The following RTN4 variants were observed in gnomAD, a reference collection of about 807,000 sequenced individuals.
RTN4 encodes the protein reticulon 4.
A neutral mutation model predicts 90.4 loss-of-function variants in RTN4; 32 were observed. That is an observed-to-expected ratio of 0.35 (90% CI 0.27 to 0.48). The LOEUF (loss-of-function observed/expected upper bound fraction) is 0.48, where lower values mean the gene tolerates loss of function less well. RTN4 is among the 20% of genes least tolerant of loss of function. The pLI, the probability that RTN4 is intolerant of heterozygous loss-of-function variation, is 0.99. For missense variants in RTN4, 1,706 were observed against 1,430.2 expected (o/e 1.19, Z -3.11); for synonymous variants, 629 against 552.5 (o/e 1.14, Z -1.94).
chr2:55,054,067 T>G (rs1668147844), upstream of RTN4, among the ~76,000 whole-genome samples: 2 of 152,074 alleles, frequency 1.3e-5, no homozygotes, highest in Admixed American at 1.3e-4. Context: ...AATCAATACA[T>G]GCAAAAAAAT....
Position 54,972,289 on chromosome 2 carries a change from C to CATT in RTN4, c.*864_*866dup, listed in dbSNP as rs1677092438. On this transcript the variant is annotated 3_prime_UTR_variant, in exon 9 of 9. Transcript: ENST00000337526. ...CTTAAACCACAATGGTATAAATCTT[C>CATT]ATTTTGTAATTAATAATTTCTTGCA... is the stretch of plus-strand genomic sequence containing the variant. The CATT allele has an allele frequency of 6.6e-6, 1 of 152,642 alleles. No homozygotes were observed. Among genetic ancestry groups the CATT allele is most frequent in the Non-Finnish European group, 1.5e-5 (1 of 68,028 alleles). The allele number at this position is 152,642 out of a possible 1,614,324, so 9.5% of individuals were successfully genotyped here.
At chr2:55,133,168 G>A in the RTN4 span, among the ~76,000 whole-genome samples, 16 of 152,044 alleles carry the variant, frequency 1.1e-4, no homozygotes, top group South Asian at 2.1e-4. Context: ...CTGAGATCAC[G>A]CCACAGCACT....
chr2:55,045,584 T>C (rs961566610), intron 1 of RTN4, among the ~76,000 whole-genome samples: 2 of 152,180 alleles, frequency 1.3e-5, no homozygotes, highest in East Asian at 1.9e-4. Flanking sequence ...TAACCTTCAA[T>C]GGCTGTCTTC....
chr2:55,136,913 AG>A, the RTN4 span, among the ~76,000 whole-genome samples: 1 of 152,206 alleles, frequency 6.6e-6, no homozygotes, highest in South Asian at 2.1e-4. Flanking sequence ...GTTGTTACAA[AG>A]GTGAACGGCC....
At chr2:55,002,736 A>G (rs1679935259) in intron 3 of RTN4, among the ~76,000 whole-genome samples, 1 of 152,178 alleles carries the variant, frequency 6.6e-6, no homozygotes, top group East Asian at 1.9e-4. Context: ...TCTTCTCTTT[A>G]AGTATGTTGG....
chr2:54,976,752 T>C (rs1045722407), intron 5 of RTN4, among the ~76,000 whole-genome samples: 1 of 152,200 alleles, frequency 6.6e-6, no homozygotes, highest in Non-Finnish European at 1.5e-5. Flanking sequence ...ATTTGTAACA[T>C]GGCAGGAATA....
chr2:55,053,011 A>G (rs1022618450), upstream of RTN4, among the ~76,000 whole-genome samples: 3 of 152,258 alleles, frequency 2.0e-5, no homozygotes, highest in South Asian at 2.1e-4. Flanking sequence ...AAGTTTCACA[A>G]AAGAATAATT....
At chr2:55,070,813 CTT>C (rs1384511438) in intron 2 of RTN4, among the ~76,000 whole-genome samples, 4 of 151,726 alleles carry the variant, frequency 2.6e-5, no homozygotes, top group Non-Finnish European at 5.9e-5. Flanking sequence ...GTCTCTCTCT[CTT>C]GCCCAGGCTG....
upstream of RTN4, among the ~76,000 whole-genome samples, chr2:55,053,086 C>T (rs1425050992): frequency 6.6e-6 from 1 of 152,082 alleles, no homozygotes; most frequent in African/African-American, 2.4e-5. Flanking sequence ...AATATAAGCA[C>T]TATCTGGTGC....
At chr2:55,103,189 C>G (rs1667884966) in intron 1 of RTN4, among the ~76,000 whole-genome samples, 1 of 151,410 alleles carries the variant, frequency 6.6e-6, no homozygotes, top group African/African-American at 2.4e-5. Flanking sequence ...AAGGATGCAC[C>G]TGGAGAACAT....
intron 3 of RTN4, among the ~76,000 whole-genome samples, chr2:55,000,511 C>G (rs1191546129): frequency 6.6e-6 from 1 of 152,088 alleles, no homozygotes; most frequent in Non-Finnish European, 1.5e-5. Flanking sequence ...TCTATACTTC[C>G]CCTTTCTACA....
intron 6 of RTN4, chr2:54,974,302 G>GA (rs1677419616): frequency 4.2e-6 from 1 of 237,288 alleles, no homozygotes; most frequent in Non-Finnish European, 8.3e-6. Flanking sequence ...ATTTTGAGAT[G>GA]GAGTTTCACT....
chr2:54,973,507 C>A, intron 8 of RTN4, 56 bp downstream of exon 8: 3 of 1,340,116 alleles, frequency 2.2e-6, no homozygotes, highest in South Asian at 1.2e-5. Flanking sequence ...AAATACTGTT[C>A]TCACAATCCA....
intron 1 of RTN4, among the ~76,000 whole-genome samples, chr2:55,084,642 G>C (rs530491285): frequency 6.6e-6 from 1 of 152,272 alleles, no homozygotes; most frequent in South Asian, 2.1e-4. Context: ...TCATGGGATT[G>C]AGCCCTTAAC....
chr2:54,981,115 A>C, intron 5 of RTN4, among the ~76,000 whole-genome samples: 1 of 152,208 alleles, frequency 6.6e-6, no homozygotes. Context: ...TAATAAAAGG[A>C]AACTACATTA....
At chr2:55,095,079 T>C (rs1669006990) in intron 1 of RTN4, among the ~76,000 whole-genome samples, 3 of 152,054 alleles carry the variant, frequency 2.0e-5, no homozygotes, top group African/African-American at 4.8e-5. Context: ...ATCGCAGCAC[T>C]TGGAAGGCCG....
At chr2:55,131,180 TGA>T in the RTN4 span, among the ~76,000 whole-genome samples, 1 of 151,830 alleles carries the variant, frequency 6.6e-6, no homozygotes, top group Non-Finnish European at 1.5e-5. Flanking sequence ...TGGGCTCAAG[TGA>T]TCCTCCTTTT....
the RTN4 span, among the ~76,000 whole-genome samples, chr2:55,135,214 T>G: frequency 1.9e-4 from 23 of 123,318 alleles, no homozygotes; most frequent in South Asian, 5.9e-3. Flanking sequence ...TTTGGTTTTT[T>G]TTTTTTTTTT....
intron 3 of RTN4, among the ~76,000 whole-genome samples, chr2:54,992,382 C>T (rs1254322088): frequency 6.6e-6 from 1 of 152,042 alleles, no homozygotes; most frequent in Non-Finnish European, 1.5e-5. Context: ...AACAAATGGG[C>T]AAAGTGTAGG....
Sources: allele counts gnomAD v4.1 joint callset (sites outside exome capture counted in the v4.1 genomes callset), GRCh38; gene constraint gnomAD v4.1.1; transcripts MANE v1.5; gene names NCBI Gene and HGNC (gene_info 2026-07-23, HGNC 2026-07-21).